DISC1: variants seen among roughly 807,000 people sequenced by gnomAD.
DISC1 encodes disrupted in schizophrenia 1 protein.
A neutral mutation model predicts 84.5 loss-of-function variants in DISC1; 57 were observed. That is an observed-to-expected ratio of 0.67 (90% CI 0.55 to 0.84). The LOEUF (loss-of-function observed/expected upper bound fraction) is 0.84, where lower values mean the gene tolerates loss of function less well. Ranked by LOEUF, DISC1 falls within the 40% of genes least tolerant of loss-of-function variation. The pLI is 0.00. For synonymous variants in DISC1, 411 were observed against 415.2 expected, an observed-to-expected ratio of 0.99 and a Z score of 0.12; for missense variants, 1,000 against 1,057.8, an observed-to-expected ratio of 0.95 and a Z score of 0.76.
rs191354097 is a variant in DISC1 at position 232,008,318 on chromosome 1, G to A, written c.2043-467G>A. Among the ~76,000 whole-genome samples, 320 of 152,314 alleles carry A rather than the reference G, an allele frequency of 2.1e-3. 2 individuals are homozygous for A. The highest frequency in any genetic ancestry group is 6.0e-3 in the Admixed American group (91 of 15,294). On this transcript the variant is annotated intron_variant, in intron 10 of 12. Transcript: ENST00000439617. ...TCATATTTTCCAGTTGGAAGGCAGGGAATGTTTCTCCCAAAAAGGTTATTT... is the reference window on the plus strand; with the variant it reads ...TCATATTTTCCAGTTGGAAGGCAGGAAATGTTTCTCCCAAAAAGGTTATTT...
chr1:231,649,600 C>A (rs1464289574), intron 1 of DISC1, among the ~76,000 whole-genome samples: 3 of 152,156 alleles, frequency 2.0e-5, no homozygotes, highest in Admixed American at 2.0e-4. Flanking sequence ...GAGTTGAAGT[C>A]CTGGATATCC....
intron 1 of DISC1, among the ~76,000 whole-genome samples, chr1:231,649,645 T>C (rs1488103565): frequency 6.6e-6 from 1 of 152,200 alleles, no homozygotes; most frequent in Non-Finnish European, 1.5e-5. Context: ...TGTCTAATAT[T>C]GACAGCGGGG....
At chr1:231,749,686 A>G (rs2074388997) in intron 3 of DISC1, among the ~76,000 whole-genome samples, 1 of 152,190 alleles carries the variant, frequency 6.6e-6, no homozygotes. Context: ...TCATATCACT[A>G]TGTCAACAAT....
intron 1 of DISC1, among the ~76,000 whole-genome samples, chr1:231,669,370 A>G (rs1290265020): frequency 6.6e-6 from 1 of 152,224 alleles, no homozygotes; most frequent in Admixed American, 6.5e-5. Flanking sequence ...AAAAATTGAC[A>G]AATTGGATCT....
intron 9 of DISC1, among the ~76,000 whole-genome samples, chr1:231,922,489 G>A (rs1050576090): frequency 6.6e-6 from 1 of 152,152 alleles, no homozygotes; most frequent in Admixed American, 6.5e-5. Flanking sequence ...TTCATCCAAG[G>A]GGGTATGTCT....
chr1:231,995,965 A>G (rs1665899006), intron 10 of DISC1, among the ~76,000 whole-genome samples: 1 of 152,064 alleles, frequency 6.6e-6, no homozygotes, highest in Non-Finnish European at 1.5e-5. Flanking sequence ...CAACAGTGTA[A>G]AAGTGTTCCT....
chr1:232,036,928 AC>A lies in DISC1; in HGVS notation c.*98del. 1 of 1,334,100 alleles carries A rather than the reference AC, an allele frequency of 7.5e-7. No individual in the cohort carries two copies. Among genetic ancestry groups the A allele is most frequent in the Non-Finnish European group, 9.9e-7 (1 of 1,006,230 alleles). The allele number at this position is 1,334,100 out of a possible 1,614,324, so 82.6% of individuals were successfully genotyped here. ...CATAGCTAAGATGCCTGAATCAATTACGGAGATACAGAGCCTTGAGGTCTTT... is the reference window on the plus strand; with the variant it reads ...CATAGCTAAGATGCCTGAATCAATTAGGAGATACAGAGCCTTGAGGTCTTT... On this transcript the variant is annotated 3_prime_UTR_variant, in exon 13 of 13. Coordinates refer to ENST00000439617, the MANE Select transcript of DISC1 (RefSeq NM_018662.3).
intron 9 of DISC1, among the ~76,000 whole-genome samples, chr1:231,828,012 A>G (rs1418449840): frequency 1.3e-5 from 2 of 152,206 alleles, no homozygotes; most frequent in Admixed American, 6.5e-5. Context: ...TTAATAACTC[A>G]TTAACAACTG....
At chr1:231,673,044 T>C (rs2062775314) in intron 1 of DISC1, among the ~76,000 whole-genome samples, 2 of 152,276 alleles carry the variant, frequency 1.3e-5, no homozygotes, top group East Asian at 3.9e-4. Context: ...CTCTGGTGAG[T>C]GCAGGGGGAC....
chr1:231,697,705 C>T (rs1249914021), intron 2 of DISC1, among the ~76,000 whole-genome samples: 1 of 151,082 alleles, frequency 6.6e-6, no homozygotes, highest in African/African-American at 2.4e-5. Context: ...CTGCCTCAGC[C>T]TCCAAGGTAC....
At chr1:231,929,429 C>A (rs1021039799) in intron 9 of DISC1, among the ~76,000 whole-genome samples, 2 of 152,180 alleles carry the variant, frequency 1.3e-5, no homozygotes, top group Non-Finnish European at 1.5e-5. Flanking sequence ...TATTTTTAAC[C>A]CTGAGACGCC....
At chr1:231,739,091 T>G (rs2072908543) in intron 3 of DISC1, among the ~76,000 whole-genome samples, 1 of 152,200 alleles carries the variant, frequency 6.6e-6, no homozygotes, top group Admixed American at 6.5e-5. Context: ...GAGGTGTCAT[T>G]ACTTATAGGC....
chr1:231,936,726 G>A (rs191224748), intron 9 of DISC1, among the ~76,000 whole-genome samples: 10 of 152,236 alleles, frequency 6.6e-5, no homozygotes, highest in East Asian at 1.9e-4. Context: ...CTCTTGTCTC[G>A]TCTCTGAATC....
chr1:231,697,466 C>T (rs1045076017), intron 2 of DISC1, among the ~76,000 whole-genome samples: 26 of 152,014 alleles, frequency 1.7e-4, no homozygotes, highest in African/African-American at 4.6e-4. Context: ...TTTTAAGAGA[C>T]GGGGTCTCTG....
intron 9 of DISC1, among the ~76,000 whole-genome samples, chr1:231,945,495 C>T (rs1656992107): frequency 6.6e-6 from 1 of 152,096 alleles, no homozygotes; most frequent in South Asian, 2.1e-4. Context: ...CACTAAATGT[C>T]CACAGGAGAA....
At chr1:231,703,894 G>C (rs1304589141) in intron 3 of DISC1, among the ~76,000 whole-genome samples, 1 of 152,184 alleles carries the variant, frequency 6.6e-6, no homozygotes, top group Non-Finnish European at 1.5e-5. Context: ...CCTGAGGCTT[G>C]AGAAAACACT....
intron 9 of DISC1, among the ~76,000 whole-genome samples, chr1:231,859,519 C>T (rs529658776): frequency 2.4e-4 from 36 of 152,278 alleles, no homozygotes; most frequent in African/African-American, 8.2e-4. Context: ...AGATTCTAAC[C>T]TCATGACCTA....
chr1:231,757,737 G>A (rs2075279800), intron 4 of DISC1, among the ~76,000 whole-genome samples: 1 of 152,142 alleles, frequency 6.6e-6, no homozygotes, highest in East Asian at 1.9e-4. Context: ...TATATGCTCA[G>A]GCCACCCTAT....
chr1:231,876,933 A>G (rs2085927740), intron 9 of DISC1, among the ~76,000 whole-genome samples: 1 of 152,162 alleles, frequency 6.6e-6, no homozygotes, highest in Non-Finnish European at 1.5e-5. Flanking sequence ...CAGGGTGCCC[A>G]CTGCTAAATG....
Sources: gnomAD v4.1 joint callset for allele counts (sites outside exome capture counted in the v4.1 genomes callset) on GRCh38, gnomAD v4.1.1 for gene constraint, MANE v1.5 for transcripts, NCBI Gene and HGNC (gene_info 2026-07-23, HGNC 2026-07-21) for gene names.